MYO3A: variants seen among roughly 807,000 people sequenced by gnomAD.
MYO3A encodes the protein myosin-IIIa.
In MYO3A, 180 loss-of-function variants were observed where a neutral mutation model predicts 192.7. That is an observed-to-expected ratio of 0.93 (90% CI 0.83 to 1.06). The LOEUF is 1.06. Ranked by LOEUF, MYO3A falls within the 50% of genes least tolerant of loss-of-function variation. The pLI, the probability that MYO3A is intolerant of heterozygous loss-of-function variation, is 0.00. For synonymous variants in MYO3A, 628 were observed against 645.3 expected, an observed-to-expected ratio of 0.97 and a Z score of 0.41; for missense variants, 1,896 against 1,905.0, an observed-to-expected ratio of 1.00 and a Z score of 0.09.
intron 31 of MYO3A, among the ~76,000 whole-genome samples, chr10:26,177,766 T>A (rs1254692694): frequency 6.6e-6 from 1 of 152,228 alleles, no homozygotes; most frequent in Non-Finnish European, 1.5e-5. Flanking sequence ...TGAGTTTGGC[T>A]GTTACCAAAG....
Position 26,187,538 on chromosome 10 carries a change from C to T in MYO3A, c.4439-5667C>T, listed in dbSNP as rs915717049. Among the ~76,000 whole-genome samples the T allele has an allele frequency of 7.9e-5, 12 of 151,892 alleles. No individual in the cohort carries two copies. The South Asian group carries it at 8.3e-4, about 11-fold the overall frequency. On this transcript the variant is annotated intron_variant, in intron 31 of 34. Coordinates refer to ENST00000642920, the MANE Select transcript of MYO3A (RefSeq NM_017433.5). ...TAAATTTTAGGGTACATGTGCACAA[C>T]GTGCAGGTTTGTTACATATATATAC...
At chr10:25,993,780 C>CA (rs1226155881) in intron 4 of MYO3A, among the ~76,000 whole-genome samples, 1 of 152,074 alleles carries the variant, frequency 6.6e-6, no homozygotes, top group Non-Finnish European at 1.5e-5. Context: ...ACCCAGTTGT[C>CA]ATTCAGGAGC....
intron 9 of MYO3A, 99 bp from the exon 10 acceptor site, chr10:26,026,278 G>A: frequency 7.2e-7 from 1 of 1,386,694 alleles, no homozygotes; most frequent in Non-Finnish European, 1.0e-6. Flanking sequence ...TTTATGAGGA[G>A]CATCACTCTC....
rs751562651 is a variant in MYO3A, at chr10:26,173,704, C to T, written c.3440C>T (p.Ala1147Val). Residue 1147 changes from alanine (A) to valine (V), a missense_variant, in exon 30 of 35, where the codon GCT becomes GTT. Coordinates refer to ENST00000642920, the MANE Select transcript of MYO3A (RefSeq NM_017433.5). Reference protein sequence around the residue: ...VKKQAENAISANERFISAPNN... With the variant: ...VKKQAENAISVNERFISAPNN... ...AAACAAGCAGAAAATGCAATCTCTG[C>T]TAATGAAAGATTCATTTCAGCTCCA... 1.1e-5 allele frequency: 18 copies of T among 1,613,630 alleles called. No homozygotes were observed. The South Asian group carries it at 1.9e-4, about 17-fold the overall frequency.
chr10:26,016,967 T>C, intron 7 of MYO3A, 71 bp downstream of exon 7: 7 of 1,385,954 alleles, frequency 5.1e-6, no homozygotes, highest in Middle Eastern at 1.8e-4. Flanking sequence ...ATGTGTACTC[T>C]ATCTCTGTAA....
chr10:26,076,004 T>C (rs1176030532), intron 14 of MYO3A, among the ~76,000 whole-genome samples: 3 of 151,160 alleles, frequency 2.0e-5, no homozygotes, highest in Non-Finnish European at 4.4e-5. Flanking sequence ...TTCTTCTGGG[T>C]GGATACCCAG....
intron 34 of MYO3A, 45 bp downstream of exon 34, chr10:26,203,152 C>A: frequency 6.3e-7 from 1 of 1,580,582 alleles, no homozygotes; most frequent in South Asian, 1.1e-5. Flanking sequence ...GTTTTATACT[C>A]ACAATTTCAT....
intron 17 of MYO3A, among the ~76,000 whole-genome samples, chr10:26,102,935 CAG>C (rs1837560853): frequency 6.6e-6 from 1 of 152,222 alleles, no homozygotes; most frequent in Non-Finnish European, 1.5e-5. Flanking sequence ...AGCTGTCAGA[CAG>C]GGACGTTTAA....
At chr10:26,128,246 C>A (rs2131746744) in intron 19 of MYO3A, 145 bp from the exon 20 acceptor site, 1 of 762,060 alleles carries the variant, frequency 1.3e-6, no homozygotes, top group Non-Finnish European at 2.2e-6. Context: ...CAGAGAGAAG[C>A]TATTTCAGTT....
At chr10:26,050,075 T>G (rs903568643) in intron 10 of MYO3A, among the ~76,000 whole-genome samples, 4 of 152,146 alleles carry the variant, frequency 2.6e-5, no homozygotes, top group Non-Finnish European at 5.9e-5. Flanking sequence ...GTCTTTTTAG[T>G]CTTTTTTTTC....
chr10:26,131,590 G>T (rs943137829), intron 20 of MYO3A, among the ~76,000 whole-genome samples: 5 of 151,996 alleles, frequency 3.3e-5, no homozygotes, highest in African/African-American at 1.2e-4. Context: ...CATCCACTTT[G>T]TATCCCTTTA....
At chr10:26,002,375 T>C (rs1840883091) in intron 6 of MYO3A, among the ~76,000 whole-genome samples, 2 of 152,188 alleles carry the variant, frequency 1.3e-5, no homozygotes, top group South Asian at 4.1e-4. Flanking sequence ...CCCCTAGAGA[T>C]GGAGCAATGG....
chr10:25,985,815 A>T (rs1366749455), intron 4 of MYO3A, among the ~76,000 whole-genome samples: 1 of 152,234 alleles, frequency 6.6e-6, no homozygotes, highest in East Asian at 1.9e-4. Context: ...AAAGATAGAG[A>T]AAGAGGGAAT....
At chr10:25,983,426 T>C (rs1839456000) in intron 4 of MYO3A, among the ~76,000 whole-genome samples, 2 of 151,972 alleles carry the variant, frequency 1.3e-5, no homozygotes, top group Admixed American at 6.6e-5. Context: ...CAGCTAATTT[T>C]TTTTGTATTT....
At chr10:25,993,229 T>C (rs1254663245) in intron 4 of MYO3A, among the ~76,000 whole-genome samples, 1 of 152,202 alleles carries the variant, frequency 6.6e-6, no homozygotes, top group Admixed American at 6.5e-5. Flanking sequence ...CTTCCTGGTT[T>C]AGACTTGGGA....
intron 6 of MYO3A, among the ~76,000 whole-genome samples, chr10:26,010,868 C>T (rs1006576959): frequency 1.3e-5 from 2 of 152,180 alleles, no homozygotes; most frequent in Non-Finnish European, 2.9e-5. Context: ...AGCAAAATGA[C>T]TTGCTGAAGG....
At chr10:26,027,637 G>T (rs1018877869) in intron 10 of MYO3A, among the ~76,000 whole-genome samples, 1 of 152,102 alleles carries the variant, frequency 6.6e-6, no homozygotes, top group Non-Finnish European at 1.5e-5. Flanking sequence ...GAGCCACTGC[G>T]CCCAGCCAAA....
intron 4 of MYO3A, among the ~76,000 whole-genome samples, chr10:25,983,653 A>G (rs1839474170): frequency 6.6e-6 from 1 of 152,224 alleles, no homozygotes; most frequent in South Asian, 2.1e-4. Context: ...CTGAGGAAGA[A>G]GAGAAATCTA....
chr10:26,093,512 T>A (rs1836828204), intron 15 of MYO3A, among the ~76,000 whole-genome samples: 1 of 152,232 alleles, frequency 6.6e-6, no homozygotes, highest in Non-Finnish European at 1.5e-5. Flanking sequence ...ACCCAGCCTC[T>A]GGACCACCCC....
Sources: gnomAD v4.1 joint callset for allele counts (sites outside exome capture counted in the v4.1 genomes callset) on GRCh38, gnomAD v4.1.1 for gene constraint, MANE v1.5 for transcripts, NCBI Gene and HGNC (gene_info 2026-07-23, HGNC 2026-07-21) for gene names.